Variants in VTI1A observed in about 807,000 individuals in gnomAD.
The protein encoded by VTI1A is vesicle transport through interaction with t-SNAREs homolog 1A.
Under a neutral mutation model 34.9 loss-of-function variants are expected in VTI1A, and 22 were observed. The ratio of observed to expected loss-of-function variants is 0.63; its 90% CI spans 0.45 to 0.90. The LOEUF (loss-of-function observed/expected upper bound fraction) is 0.90, where lower values mean the gene tolerates loss of function less well. VTI1A is among the 40% of genes least tolerant of loss of function. VTI1A has a pLI of 0.00. For synonymous variants in VTI1A, 87 were observed against 97.3 expected, an observed-to-expected ratio of 0.89 and a Z score of 0.62; for missense variants, 268 against 275.6, an observed-to-expected ratio of 0.97 and a Z score of 0.20.
At chr10:112,795,689 G>A (rs1034207370) in intron 7 of VTI1A, among the ~76,000 whole-genome samples, 4 of 151,922 alleles carry the variant, frequency 2.6e-5, no homozygotes, top group African/African-American at 9.6e-5. Flanking sequence ...CGCCCACCTC[G>A]GCCTCCCAAA....
At chr10:112,456,671 T>C (rs1847538547) in intron 1 of VTI1A, among the ~76,000 whole-genome samples, 1 of 152,186 alleles carries the variant, frequency 6.6e-6, no homozygotes, top group African/African-American at 2.4e-5. Context: ...CTCAATTTCC[T>C]ATTGAGGAAC....
chr10:112,813,618 C>T (rs1853398538), intron 7 of VTI1A, among the ~76,000 whole-genome samples: 1 of 152,126 alleles, frequency 6.6e-6, no homozygotes, highest in South Asian at 2.1e-4. Flanking sequence ...CAAGTAGCAC[C>T]GATCAGTGTT....
At chr10:112,537,063 G>C (rs185620984) in intron 4 of VTI1A, among the ~76,000 whole-genome samples, 141 of 151,860 alleles carry the variant, frequency 9.3e-4, no homozygotes, top group African/African-American at 3.3e-3. Flanking sequence ...TCGCTCGACA[G>C]CCACTCAGAT....
chr10:112,788,917 T>TA (rs1852376648), intron 7 of VTI1A, among the ~76,000 whole-genome samples: 1 of 152,174 alleles, frequency 6.6e-6, no homozygotes, highest in African/African-American at 2.4e-5. Flanking sequence ...TCTAATAAAA[T>TA]ATAGCAGTGT....
chr10:112,605,310 T>C (rs1363674192), intron 5 of VTI1A, among the ~76,000 whole-genome samples: 1 of 152,134 alleles, frequency 6.6e-6, no homozygotes, highest in Non-Finnish European at 1.5e-5. Context: ...CACACTGTAC[T>C]GTAAGAACAG....
chr10:112,447,508 C>T, intron 1 of VTI1A, 41 bp downstream of exon 1: 1 of 1,603,226 alleles, frequency 6.2e-7, no homozygotes, highest in East Asian at 2.3e-5. Flanking sequence ...CTGGGGAGAG[C>T]TGGGAGGGTG....
At chr10:112,723,389 C>T (rs193029891) in intron 7 of VTI1A, among the ~76,000 whole-genome samples, 3 of 152,286 alleles carry the variant, frequency 2.0e-5, no homozygotes, top group African/African-American at 4.8e-5. Flanking sequence ...TGTTTTGCAT[C>T]GGACTTTTTG....
At chr10:112,457,965 T>C (rs1245179341) in intron 1 of VTI1A, among the ~76,000 whole-genome samples, 5 of 152,052 alleles carry the variant, frequency 3.3e-5, no homozygotes, top group African/African-American at 1.2e-4. Flanking sequence ...AAAGGAAGGG[T>C]TATTAATCTA....
At chr10:112,749,043 A>G (rs894796813) in intron 7 of VTI1A, among the ~76,000 whole-genome samples, 3 of 152,218 alleles carry the variant, frequency 2.0e-5, no homozygotes, top group Non-Finnish European at 4.4e-5. Context: ...AGTAAAACCA[A>G]TCTTCGTTGT....
the VTI1A span, among the ~76,000 whole-genome samples, chr10:112,833,983 A>G: frequency 1.3e-5 from 2 of 152,212 alleles, no homozygotes; most frequent in Non-Finnish European, 2.9e-5. Flanking sequence ...GCTCAGGACC[A>G]CAAGCCAGAC....
intron 5 of VTI1A, among the ~76,000 whole-genome samples, chr10:112,657,191 T>C (rs1847262413): frequency 6.6e-6 from 1 of 152,238 alleles, no homozygotes; most frequent in Admixed American, 6.5e-5. Flanking sequence ...TACAATCCTT[T>C]AGGTAAAAAC....
chr10:112,795,449 T>A (rs1332353981), intron 7 of VTI1A, among the ~76,000 whole-genome samples: 1 of 150,714 alleles, frequency 6.6e-6, no homozygotes, highest in Admixed American at 6.6e-5. Context: ...TTTTTTTTTT[T>A]TCTGAGAGAC....
chr10:112,840,738 C>A, the VTI1A span, among the ~76,000 whole-genome samples: 1 of 152,060 alleles, frequency 6.6e-6, no homozygotes, highest in Non-Finnish European at 1.5e-5. Flanking sequence ...GGAAAGTGAG[C>A]CTAATAAAAT....
chr10:112,792,914 C>A (rs1309627681), intron 7 of VTI1A, among the ~76,000 whole-genome samples: 1 of 152,200 alleles, frequency 6.6e-6, no homozygotes, highest in Non-Finnish European at 1.5e-5. Context: ...TCAGATTATG[C>A]TTTCAGTTGT....
At chr10:112,647,650 G>A (rs1028971013) in intron 5 of VTI1A, among the ~76,000 whole-genome samples, 1 of 152,152 alleles carries the variant, frequency 6.6e-6, no homozygotes, top group Non-Finnish European at 1.5e-5. Flanking sequence ...AAGACTAAAA[G>A]TATGTTTTTC....
intron 7 of VTI1A, among the ~76,000 whole-genome samples, chr10:112,796,204 G>A (rs560250390): frequency 1.3e-5 from 2 of 152,144 alleles, no homozygotes; most frequent in Admixed American, 1.3e-4. Context: ...TTCGAGACCA[G>A]CCTGGCCAAC....
intron 7 of VTI1A, among the ~76,000 whole-genome samples, chr10:112,717,455 C>G (rs1849648729): frequency 6.6e-6 from 1 of 152,122 alleles, no homozygotes; most frequent in Non-Finnish European, 1.5e-5. Context: ...GAGCCTTCTT[C>G]AGACAGAGAT....
intron 1 of VTI1A, among the ~76,000 whole-genome samples, chr10:112,456,948 C>T (rs1257083355): frequency 6.6e-6 from 1 of 152,192 alleles, no homozygotes; most frequent in Non-Finnish European, 1.5e-5. Flanking sequence ...TCCATTGATC[C>T]TATGAGCCAC....
intron 7 of VTI1A, among the ~76,000 whole-genome samples, chr10:112,670,896 A>T (rs1847822739): frequency 6.6e-6 from 1 of 152,192 alleles, no homozygotes. Context: ...GTTCATATGC[A>T]TGACAATGTT....
Sources: allele counts gnomAD v4.1 joint callset (sites outside exome capture counted in the v4.1 genomes callset), GRCh38; gene constraint gnomAD v4.1.1; transcripts MANE v1.5; gene names NCBI Gene and HGNC (gene_info 2026-07-23, HGNC 2026-07-21).